AASS: variants seen among roughly 807,000 people sequenced by gnomAD.
AASS encodes the protein alpha-aminoadipic semialdehyde synthase, mitochondrial.
In AASS, 86 loss-of-function variants were observed where a neutral mutation model predicts 105.4. That is an observed-to-expected ratio of 0.82 (90% CI 0.69 to 0.98). The LOEUF (loss-of-function observed/expected upper bound fraction) is 0.98, where lower values mean the gene tolerates loss of function less well. Ranked by LOEUF, AASS falls within the 50% of genes least tolerant of loss-of-function variation. The probability of loss-of-function intolerance (pLI) is 0.00; values close to 1 mark genes in which losing one functional copy is unlikely to be tolerated. For missense variants in AASS, 1,048 were observed against 1,143.2 expected, an observed-to-expected ratio of 0.92 and a Z score of 1.20; for synonymous variants, 381 against 394.8, an observed-to-expected ratio of 0.96 and a Z score of 0.41.
intron 20 of AASS, among the ~76,000 whole-genome samples, chr7:122,081,291 G>A (rs936237898): frequency 3.3e-5 from 5 of 152,202 alleles, no homozygotes; most frequent in Admixed American, 2.0e-4. Flanking sequence ...AAGTTGCTGC[G>A]GGAAACAGGC....
chr7:122,107,406 TAA>T (rs1487401808), intron 11 of AASS, among the ~76,000 whole-genome samples: 1 of 152,064 alleles, frequency 6.6e-6, no homozygotes, highest in Non-Finnish European at 1.5e-5. Context: ...CAAAGGAATA[TAA>T]AATGTTCTAT....
chr7:122,073,784 A>G lies in AASS; in HGVS notation c.*2705T>C, dbSNP rs79208795. 1.1e-3 allele frequency among the ~76,000 whole-genome samples: 172 copies of G among 152,244 alleles called. 1 individual carries two copies. The East Asian group carries it at 0.014, about 13-fold the overall frequency. ...GCAACCACTAATCTGCCTTCTCTCT[A>G]TATATATTCGCCTGTTCTGGACATT... On this transcript the variant is annotated 3_prime_UTR_variant, in exon 24 of 24. Transcript: ENST00000417368.
At chr7:122,119,824 C>T (rs1584878678) in intron 4 of AASS, among the ~76,000 whole-genome samples, 2 of 152,182 alleles carry the variant, frequency 1.3e-5, no homozygotes, top group South Asian at 4.2e-4. Context: ...TTTAAGCAGT[C>T]GTCTCTCAGT....
At chr7:122,105,676 C>G (rs1794635594) in intron 11 of AASS, among the ~76,000 whole-genome samples, 1 of 151,854 alleles carries the variant, frequency 6.6e-6, no homozygotes, top group Non-Finnish European at 1.5e-5. Flanking sequence ...TTTCTAGAGA[C>G]AAATGAAAAT....
At chr7:122,122,424 G>C (rs541617693) in intron 4 of AASS, among the ~76,000 whole-genome samples, 1 of 152,276 alleles carries the variant, frequency 6.6e-6, no homozygotes, top group East Asian at 1.9e-4. Flanking sequence ...CAAGCCTTAA[G>C]AGAATCAATG....
At chr7:122,107,070 G>A (rs1794702388) in intron 11 of AASS, among the ~76,000 whole-genome samples, 1 of 152,020 alleles carries the variant, frequency 6.6e-6, no homozygotes, top group Non-Finnish European at 1.5e-5. Context: ...TTAAAAGCTG[G>A]GCAAAGGACA....
chr7:122,116,542 C>T (rs922486090), intron 8 of AASS, 91 bp downstream of exon 8: 2 of 1,529,488 alleles, frequency 1.3e-6, no homozygotes, highest in Admixed American at 3.4e-5. Flanking sequence ...AAACTGAAAG[C>T]CATTGTACAA....
At chr7:122,117,812 T>C (rs539298361) in intron 6 of AASS, among the ~76,000 whole-genome samples, 3 of 152,086 alleles carry the variant, frequency 2.0e-5, no homozygotes, top group East Asian at 3.9e-4. Flanking sequence ...TGCGTCACCA[T>C]GCCTGGCTAA....
At chr7:122,139,948 TCAAACAAA>T (rs10593110) in intron 1 of AASS, among the ~76,000 whole-genome samples, 6,207 of 150,384 alleles carry the variant, frequency 0.041, 164 homozygotes, top group Middle Eastern at 0.099. Flanking sequence ...TGAGACTGTC[TCAAACAAA>T]CAAACAAACA....
intron 1 of AASS, among the ~76,000 whole-genome samples, chr7:122,138,770 T>C (rs1292138538): frequency 6.6e-6 from 1 of 152,142 alleles, no homozygotes; most frequent in African/African-American, 2.4e-5. Context: ...GAATGTTCTT[T>C]GTATTTTTTT....
chr7:122,143,690 A>G (rs1796504815), intron 1 of AASS, among the ~76,000 whole-genome samples: 1 of 151,650 alleles, frequency 6.6e-6, no homozygotes, highest in Non-Finnish European at 1.5e-5. Context: ...AGGGGGAAAG[A>G]ACCACCCCGA....
At chr7:122,122,422 A>G (rs74575921) in intron 4 of AASS, among the ~76,000 whole-genome samples, 113 of 152,324 alleles carry the variant, frequency 7.4e-4, no homozygotes, top group African/African-American at 2.4e-3. Flanking sequence ...AACAAGCCTT[A>G]AGAGAATCAA....
chr7:122,122,297 T>G (rs1037089359), intron 4 of AASS, among the ~76,000 whole-genome samples: 5 of 151,486 alleles, frequency 3.3e-5, no homozygotes, highest in African/African-American at 1.2e-4. Flanking sequence ...AAATGGAGCA[T>G]AAAGAGAGAA....
rs1228800947 is a variant in AASS at position 122,133,711 on chromosome 7, T to C, written c.16A>G (p.Arg6Gly). The C allele has an allele frequency of 2.5e-6, 4 of 1,614,146 alleles. No homozygotes were observed. Among genetic ancestry groups the C allele is most frequent in the South Asian group, 1.1e-5 (1 of 91,088 alleles). MLQVH[R>G]TGLGRLGVSL... ...ACCCCCAGCCTGCCCAGTCCAGTCC[T>C]ATGTACTTGCAGCATCTTGACACCT... The change falls in exon 2 of 24, where the codon AGG becomes GGG. Residue 6 changes from arginine to glycine, a missense_variant. Coordinates refer to ENST00000417368, the MANE Select transcript of AASS (RefSeq NM_005763.4).
rs904152368 is a variant in AASS, at chr7:122,103,381, A to G, written c.1279-1701T>C. ...CAGCAAAGCTGTCCTTCAGAAAAAA[A>G]GAAGAAATAAACTCTTTCCCAGACA... On this transcript the variant is annotated intron_variant, in intron 11 of 23. Transcript: ENST00000417368. 4.3e-4 allele frequency among the ~76,000 whole-genome samples: 65 copies of G among 152,202 alleles called. 1 individual carries two copies. Among genetic ancestry groups the G allele is most frequent in the African/African-American group, 1.5e-3 (62 of 41,560 alleles).
chr7:122,112,602 G>A (rs191360800), intron 11 of AASS, among the ~76,000 whole-genome samples: 3 of 152,164 alleles, frequency 2.0e-5, no homozygotes, highest in African/African-American at 7.2e-5. Context: ...ACTGAAATAA[G>A]AAAAATTTTC....
At chr7:122,091,892 A>T in intron 17 of AASS, 49 bp from the exon 18 acceptor site, 13 of 1,281,710 alleles carry the variant, frequency 1.0e-5, no homozygotes, top group African/African-American at 1.5e-5. Flanking sequence ...AACTTAGAGA[A>T]TGTCTAAGTA....
Position 122,113,644 on chromosome 7 carries a change from G to A in AASS, c.1120C>T (p.His374Tyr), listed in dbSNP as rs1584867893. 1.2e-6 allele frequency: 2 copies of A among 1,613,664 alleles called. No individual in the cohort carries two copies. The highest frequency in any genetic ancestry group is 8.5e-7 in the Non-Finnish European group (1 of 1,179,912). Residue 374 changes from histidine to tyrosine, a missense_variant, in exon 10 of 24, where the codon CAT becomes TAT. By Grantham distance (83) the His-to-Tyr change is moderately conservative. Coordinates refer to ENST00000417368, the MANE Select transcript of AASS (RefSeq NM_005763.4). ...EFMTECTTIE[H>Y]PFCMYDADQH... ...TCTGCATCATACATGCAAAAGGGAT[G>A]CTCTATTGTTGTACACTCAGTCATA... is the stretch of plus-strand genomic sequence containing the variant.
At chr7:122,126,327 C>T (rs769930727) in intron 4 of AASS, 48 bp downstream of exon 4, 2 of 1,540,406 alleles carry the variant, frequency 1.3e-6, no homozygotes, top group Non-Finnish European at 1.8e-6. Flanking sequence ...CACAGTTATT[C>T]CCCAAGCCAA....
Sources: allele counts gnomAD v4.1 joint callset (sites outside exome capture counted in the v4.1 genomes callset), GRCh38; gene constraint gnomAD v4.1.1; transcripts MANE v1.5; gene names NCBI Gene and HGNC (gene_info 2026-07-23, HGNC 2026-07-21).